Variants in KCNMB2 observed in about 807,000 individuals in gnomAD.
The protein encoded by KCNMB2 is potassium calcium-activated channel subfamily M regulatory beta subunit 2.
KCNMB2 carries 9 observed loss-of-function variants against 24.5 expected under a neutral mutation model. The ratio of observed to expected loss-of-function variants is 0.37; its 90% CI spans 0.22 to 0.64. The LOEUF (loss-of-function observed/expected upper bound fraction) is 0.64, where lower values mean the gene tolerates loss of function less well. Ranked by LOEUF, KCNMB2 falls within the 30% of genes least tolerant of loss-of-function variation. The pLI, the probability that KCNMB2 is intolerant of heterozygous loss-of-function variation, is 0.63. For synonymous variants in KCNMB2, 109 were observed against 104.4 expected (o/e 1.04, Z -0.27); for missense variants, 226 against 284.3 (o/e 0.79, Z 1.47).
At chr3:178,748,811 G>A (rs1723751642) in intron 1 of KCNMB2, among the ~76,000 whole-genome samples, 1 of 152,274 alleles carries the variant, frequency 6.6e-6, no homozygotes, top group Admixed American at 6.5e-5. Flanking sequence ...CTGAGACTTT[G>A]TGTCTTGGTG....
intron 1 of KCNMB2, among the ~76,000 whole-genome samples, chr3:178,650,904 G>A (rs1043743379): frequency 8.5e-5 from 13 of 152,080 alleles, no homozygotes; most frequent in African/African-American, 2.7e-4. Flanking sequence ...TTGATGGAAC[G>A]TATCTCAAAA....
At chr3:178,564,095 T>A (rs1488133257) in intron 1 of KCNMB2, among the ~76,000 whole-genome samples, 1 of 151,788 alleles carries the variant, frequency 6.6e-6, no homozygotes, top group Non-Finnish European at 1.5e-5. Flanking sequence ...TTGACCAACA[T>A]GGTGAAAGCC....
intron 1 of KCNMB2, among the ~76,000 whole-genome samples, chr3:178,715,756 T>C (rs1722599992): frequency 1.3e-5 from 2 of 152,190 alleles, no homozygotes; most frequent in South Asian, 4.1e-4. Context: ...GTGTGTTTAG[T>C]TGATGAAGTT....
At chr3:178,771,473 CTTTTTTTTT>C (rs66694279) in intron 1 of KCNMB2, among the ~76,000 whole-genome samples, 9 of 87,516 alleles carry the variant, frequency 1.0e-4, no homozygotes, top group East Asian at 3.0e-4. Flanking sequence ...TTCTTTCTTT[CTTTTTTTTT>C]TTTTTTTTTT....
chr3:178,569,176 G>C lies in KCNMB2; in HGVS notation c.-68+32465G>C, dbSNP rs1469492039. Among the ~76,000 whole-genome samples the C allele has an allele frequency of 2.6e-5, 4 of 152,072 alleles. No homozygotes were observed. The East Asian group carries it at 7.7e-4, about 29-fold the overall frequency. ...TATTAGGAATAAATAGCCACCAGAAGCTTCAGAACTACATAGACTTTGCCC... is the reference window on the plus strand; with the variant it reads ...TATTAGGAATAAATAGCCACCAGAACCTTCAGAACTACATAGACTTTGCCC... On this transcript the variant is annotated intron_variant, in intron 1 of 4. Coordinates refer to ENST00000452583, the MANE Select transcript of KCNMB2 (RefSeq NM_181361.3).
chr3:178,661,132 C>T (rs1720513048), intron 1 of KCNMB2, among the ~76,000 whole-genome samples: 3 of 151,480 alleles, frequency 2.0e-5, no homozygotes, highest in African/African-American at 7.3e-5. Flanking sequence ...TGCTGTCCCT[C>T]CCCTAGCCCC....
intron 1 of KCNMB2, among the ~76,000 whole-genome samples, chr3:178,662,044 C>T (rs58151877): frequency 0.1 from 15,637 of 152,180 alleles, 949 homozygotes; most frequent in Middle Eastern, 0.23. Context: ...TGATATTCAT[C>T]TCAGAAATGG....
chr3:178,603,629 G>C (rs1311235270), intron 1 of KCNMB2, among the ~76,000 whole-genome samples: 2 of 152,098 alleles, frequency 1.3e-5, no homozygotes, highest in African/African-American at 4.8e-5. Context: ...ACAAGAGAGG[G>C]TCACAGACAT....
At chr3:178,571,538 T>C (rs1262579138) in intron 1 of KCNMB2, among the ~76,000 whole-genome samples, 2 of 150,558 alleles carry the variant, frequency 1.3e-5, no homozygotes, top group Non-Finnish European at 3.0e-5. Context: ...TATTTTACTT[T>C]AAGTTCTGGG....
At chr3:178,541,767 T>C (rs1324234986) in intron 1 of KCNMB2, among the ~76,000 whole-genome samples, 1 of 152,186 alleles carries the variant, frequency 6.6e-6, no homozygotes, top group East Asian at 1.9e-4. Context: ...AGATATGAGT[T>C]CTAAATTTCT....
chr3:178,736,908 A>T (rs999254298), intron 1 of KCNMB2, among the ~76,000 whole-genome samples: 3 of 152,258 alleles, frequency 2.0e-5, no homozygotes, highest in Admixed American at 6.5e-5. Flanking sequence ...ATCAAAAAAC[A>T]GCAAAAGTTG....
chr3:178,820,753 T>C (rs980823567), intron 2 of KCNMB2: 9 of 152,474 alleles, frequency 5.9e-5, no homozygotes, highest in Admixed American at 4.6e-4. Flanking sequence ...TACTAAACAA[T>C]TGAAAATATT....
intron 1 of KCNMB2, among the ~76,000 whole-genome samples, chr3:178,712,705 C>T (rs1380505609): frequency 2.6e-5 from 4 of 152,146 alleles, no homozygotes; most frequent in Non-Finnish European, 5.9e-5. Context: ...TGCCCAAGGT[C>T]GTACACGTGA....
At chr3:178,803,893 C>T (rs545669631) in intron 1 of KCNMB2, among the ~76,000 whole-genome samples, 23 of 152,204 alleles carry the variant, frequency 1.5e-4, no homozygotes, top group South Asian at 4.1e-4. Flanking sequence ...ATTTCTGAGA[C>T]GGGGAAATTA....
intron 1 of KCNMB2, among the ~76,000 whole-genome samples, chr3:178,781,755 T>C (rs900368787): frequency 2.6e-5 from 4 of 151,768 alleles, no homozygotes; most frequent in Admixed American, 2.6e-4. Flanking sequence ...ATGGAGCCTA[T>C]GCACCTGACA....
intron 2 of KCNMB2, among the ~76,000 whole-genome samples, chr3:178,816,935 A>G (rs911341953): frequency 9.9e-5 from 15 of 152,232 alleles, no homozygotes; most frequent in South Asian, 6.2e-4. Context: ...TATATCTTGG[A>G]TTAAAGCTTT....
At chr3:178,781,908 T>C (rs1295688705) in intron 1 of KCNMB2, among the ~76,000 whole-genome samples, 1 of 144,894 alleles carries the variant, frequency 6.9e-6, no homozygotes, top group Non-Finnish European at 1.5e-5. Flanking sequence ...TCATCTAGCA[T>C]TAGGTATATC....
intron 1 of KCNMB2, among the ~76,000 whole-genome samples, chr3:178,611,891 C>T (rs1436638191): frequency 6.6e-6 from 1 of 152,100 alleles, no homozygotes; most frequent in African/African-American, 2.4e-5. Flanking sequence ...ACACTGATAG[C>T]TATAAACTTC....
chr3:178,670,536 C>G (rs1720865953), intron 1 of KCNMB2, among the ~76,000 whole-genome samples: 1 of 152,074 alleles, frequency 6.6e-6, no homozygotes, highest in South Asian at 2.1e-4. Flanking sequence ...GCAGAATAAA[C>G]CTACCTAAAG....
Sources: gnomAD v4.1 joint callset for allele counts (sites outside exome capture counted in the v4.1 genomes callset) on GRCh38, gnomAD v4.1.1 for gene constraint, MANE v1.5 for transcripts, NCBI Gene and HGNC (gene_info 2026-07-23, HGNC 2026-07-21) for gene names.